The following AGBL1 variants were observed in gnomAD, a reference collection of about 807,000 sequenced individuals.
The protein encoded by AGBL1 is cytosolic carboxypeptidase 4.
AGBL1 carries 130 observed loss-of-function variants against 118.9 expected under a neutral mutation model. The observed-to-expected ratio is 1.09, with a 90% CI of 0.95 to 1.26. AGBL1 has a LOEUF of 1.26. Among genes scored for constraint, AGBL1 ranks in the 50% most tolerant of loss-of-function variants. The pLI, the probability that AGBL1 is intolerant of heterozygous loss-of-function variation, is 0.00. For missense variants in AGBL1, 1,584 were observed against 1,298.1 expected (o/e 1.22, Z -3.38); for synonymous variants, 555 against 478.9 (o/e 1.16, Z -2.08).
At chr15:86,840,500 C>G (rs2079229696) in intron 22 of AGBL1, among the ~76,000 whole-genome samples, 1 of 152,130 alleles carries the variant, frequency 6.6e-6, no homozygotes, top group African/African-American at 2.4e-5. Flanking sequence ...GACTGGAGTG[C>G]AATGGCATGA....
At chr15:86,121,920 C>CT (rs995815341) in intron 1 of AGBL1, among the ~76,000 whole-genome samples, 29 of 152,116 alleles carry the variant, frequency 1.9e-4, no homozygotes, top group Non-Finnish European at 3.8e-4. Context: ...ACAAATTTGG[C>CT]TTTTTGAAAA....
chr15:86,225,463 G>C (rs2078346880), intron 6 of AGBL1, among the ~76,000 whole-genome samples: 2 of 152,150 alleles, frequency 1.3e-5, no homozygotes, highest in Admixed American at 6.5e-5. Context: ...CTTGGACAAT[G>C]ATGATGCTGA....
intron 18 of AGBL1, among the ~76,000 whole-genome samples, chr15:86,446,594 C>T (rs749662603): frequency 7.2e-5 from 11 of 152,134 alleles, no homozygotes; most frequent in African/African-American, 9.7e-5. Flanking sequence ...CCATTTATAT[C>T]GAATCTCTCT....
intron 5 of AGBL1, among the ~76,000 whole-genome samples, chr15:86,218,867 A>G (rs780993500): frequency 1.8e-4 from 27 of 152,218 alleles, no homozygotes; most frequent in Non-Finnish European, 3.4e-4. Context: ...TTGAGCCTCA[A>G]GATGAAGACT....
chr15:86,608,396 G>A (rs1157289913), intron 21 of AGBL1, among the ~76,000 whole-genome samples: 1 of 152,174 alleles, frequency 6.6e-6, no homozygotes, highest in Non-Finnish European at 1.5e-5. Flanking sequence ...TTTAAAGTAG[G>A]GGAATGCAAG....
intron 22 of AGBL1, among the ~76,000 whole-genome samples, chr15:86,759,536 A>T (rs571304029): frequency 6.6e-6 from 1 of 152,154 alleles, no homozygotes; most frequent in Non-Finnish European, 1.5e-5. Context: ...TTATCAAGTT[A>T]TTTAAGAATT....
downstream of AGBL1, among the ~76,000 whole-genome samples, chr15:87,030,083 C>G (rs1291289351): frequency 6.6e-6 from 1 of 151,892 alleles, no homozygotes; most frequent in Admixed American, 6.6e-5. Flanking sequence ...GATACTTAAA[C>G]TAAACTTAAG....
intron 19 of AGBL1, 32 bp from the exon 20 acceptor site, chr15:86,545,970 G>T (rs772248825): frequency 1.3e-5 from 21 of 1,605,266 alleles, no homozygotes; most frequent in Non-Finnish European, 1.7e-5. Flanking sequence ...ACCTGACCTG[G>T]TTTTATTTTC....
chr15:86,160,305 A>G (rs1337130255), intron 5 of AGBL1, among the ~76,000 whole-genome samples: 1 of 152,112 alleles, frequency 6.6e-6, no homozygotes, highest in Middle Eastern at 3.2e-3. Flanking sequence ...ATTTTCTATG[A>G]TTATATTTTA....
At chr15:86,794,652 G>T (rs562353988) in intron 22 of AGBL1, among the ~76,000 whole-genome samples, 85 of 152,124 alleles carry the variant, frequency 5.6e-4, no homozygotes, top group African/African-American at 1.8e-3. Context: ...AAAAAAACAT[G>T]CAGGGTCTCA....
At chr15:87,002,524 G>T (rs1245565312) in intron 24 of AGBL1, among the ~76,000 whole-genome samples, 3 of 151,930 alleles carry the variant, frequency 2.0e-5, no homozygotes, top group East Asian at 3.9e-4. Flanking sequence ...GAAAGTCTTT[G>T]GTAGCTTGAT....
rs187097484 is a variant in AGBL1, at chr15:86,546,304, C to G, written c.2817+171C>G. 3.3e-5 allele frequency among the ~76,000 whole-genome samples: 5 copies of G among 151,736 alleles called. No homozygotes were observed. The East Asian group carries it at 9.7e-4, about 29-fold the overall frequency. On this transcript the variant is annotated intron_variant, in intron 20 of 22. Coordinates refer to ENST00000614907, the MANE Select transcript of AGBL1 (RefSeq NM_001386094.1). The stretch of plus-strand genomic sequence containing the variant: ...CAAGCAGGCTGGAAGCATGTGTAAC[C>G]TCTCCTAATTTTTGTTGAATAATGA...
chr15:86,546,799 C>T (rs1047334361), intron 20 of AGBL1, among the ~76,000 whole-genome samples: 1 of 152,134 alleles, frequency 6.6e-6, no homozygotes, highest in East Asian at 1.9e-4. Flanking sequence ...AGGATAAAGG[C>T]AACAAGCTAT....
Position 86,295,287 on chromosome 15 carries a change from C to T in AGBL1, c.2253C>T (p.Asn751=). ...TTGACATCCTGGAAAAGAGTGTCAACCTCAAAGAGGTCTACTTCCGGCAAG... is the reference window on the plus strand; with the variant it reads ...TTGACATCCTGGAAAAGAGTGTCAATCTCAAAGAGGTCTACTTCCGGCAAG... ...THLDILEKSV[N]LKEVYFRQDV... Residue 751 remains asparagine, a synonymous_variant, in exon 17 of 23, where the codon AAC becomes AAT. Coordinates refer to ENST00000614907, the MANE Select transcript of AGBL1 (RefSeq NM_001386094.1). 6.2e-7 allele frequency: 1 copy of T among 1,613,680 alleles called. No individual in the cohort carries two copies. The highest frequency in any genetic ancestry group is 8.5e-7 in the Non-Finnish European group (1 of 1,179,716).
At chr15:86,801,270 A>C (rs2078644998) in intron 22 of AGBL1, among the ~76,000 whole-genome samples, 1 of 151,946 alleles carries the variant, frequency 6.6e-6, no homozygotes, top group Admixed American at 6.6e-5. Context: ...AGAAAAGAGA[A>C]TATGCATGTT....
At chr15:86,993,669 T>C (rs142377153) in intron 24 of AGBL1, among the ~76,000 whole-genome samples, 2 of 152,272 alleles carry the variant, frequency 1.3e-5, no homozygotes, top group Non-Finnish European at 2.9e-5. Context: ...CTTTTCTTTA[T>C]GTATGTTGTT....
intron 9 of AGBL1, among the ~76,000 whole-genome samples, chr15:86,259,381 G>C (rs191211788): frequency 6.6e-6 from 1 of 152,246 alleles, no homozygotes; most frequent in Admixed American, 6.5e-5. Flanking sequence ...TTTGTTGTCT[G>C]TAAAATAAGA....
chr15:86,118,761 G>C (rs1897918663), intron 1 of AGBL1, among the ~76,000 whole-genome samples: 1 of 151,728 alleles, frequency 6.6e-6, no homozygotes, highest in Non-Finnish European at 1.5e-5. Context: ...AGCTTTTTTT[G>C]GGTGGGGTGG....
intron 18 of AGBL1, among the ~76,000 whole-genome samples, chr15:86,432,461 C>A (rs1475207077): frequency 6.6e-6 from 1 of 152,100 alleles, no homozygotes; most frequent in African/African-American, 2.4e-5. Context: ...CATGATTAGC[C>A]TGTGTTAGTG....
Sources: gnomAD v4.1 joint callset for allele counts (sites outside exome capture counted in the v4.1 genomes callset) on GRCh38, gnomAD v4.1.1 for gene constraint, MANE v1.5 for transcripts, NCBI Gene and HGNC (gene_info 2026-07-23, HGNC 2026-07-21) for gene names.